The following PRKG1 variants were observed in gnomAD, a reference collection of about 807,000 sequenced individuals.
The protein encoded by PRKG1 is protein kinase cGMP-dependent 1, also known as cGMP-dependent protein kinase 1.
A neutral mutation model predicts 88.1 loss-of-function variants in PRKG1; 35 were observed. The ratio of observed to expected loss-of-function variants is 0.40; its 90% CI spans 0.30 to 0.53. PRKG1 has a LOEUF of 0.53. Among genes scored for constraint, PRKG1 ranks in the 20% least tolerant of loss-of-function variants. The pLI is 0.59. For synonymous variants in PRKG1, 303 were observed against 292.5 expected (o/e 1.04, Z -0.37); for missense variants, 540 against 839.8 (o/e 0.64, Z 4.41).
intron 1 of PRKG1, among the ~76,000 whole-genome samples, chr10:51,021,466 G>T (rs537333942): frequency 9.9e-5 from 15 of 152,212 alleles, no homozygotes; most frequent in African/African-American, 3.4e-4. Flanking sequence ...TATTCAGTGT[G>T]TCTCTCCATC....
intron 1 of PRKG1, among the ~76,000 whole-genome samples, chr10:51,078,469 A>G (rs555480662): frequency 1.4e-5 from 2 of 143,860 alleles, no homozygotes; most frequent in Admixed American, 1.5e-4. Context: ...AACTCAGGTT[A>G]TCAGCCCACC....
intron 2 of PRKG1, among the ~76,000 whole-genome samples, chr10:51,350,658 G>A (rs1842220399): frequency 6.6e-6 from 1 of 152,076 alleles, no homozygotes; most frequent in South Asian, 2.1e-4. Flanking sequence ...CAGATGATAT[G>A]ATCTTATATT....
chr10:51,023,607 T>G (rs1050331617), intron 1 of PRKG1, among the ~76,000 whole-genome samples: 10 of 152,316 alleles, frequency 6.6e-5, no homozygotes, highest in Middle Eastern at 6.8e-3. Flanking sequence ...TCTAGTATAT[T>G]AAATCATGAG....
chr10:51,550,759 C>T lies in PRKG1; in HGVS notation c.592+82923C>T, dbSNP rs1837108765. 2.0e-5 allele frequency among the ~76,000 whole-genome samples: 3 copies of T among 152,002 alleles called. No homozygotes were observed. The South Asian group carries it at 6.2e-4, about 32-fold the overall frequency. ...GGTAGCATAGGAATCTGTGTAAGTA[C>T]TGATAGATATTTGCCACATATATCA... On this transcript the variant is annotated intron_variant, in intron 3 of 17. Coordinates refer to ENST00000373980, the MANE Select transcript of PRKG1 (RefSeq NM_006258.4).
At chr10:51,782,294 G>A (rs1041291635) in intron 3 of PRKG1, among the ~76,000 whole-genome samples, 3 of 152,076 alleles carry the variant, frequency 2.0e-5, no homozygotes, top group African/African-American at 7.2e-5. Flanking sequence ...CTTACCATGG[G>A]TTATCAGGTT....
intron 2 of PRKG1, among the ~76,000 whole-genome samples, chr10:51,232,191 G>T (rs1042093678): frequency 4.6e-5 from 7 of 152,180 alleles, no homozygotes; most frequent in Admixed American, 3.9e-4. Context: ...CAGTATCCAG[G>T]ACTCTAAAAG....
intron 1 of PRKG1, among the ~76,000 whole-genome samples, chr10:51,135,910 T>C (rs1845673658): frequency 6.9e-6 from 1 of 145,432 alleles, no homozygotes; most frequent in Non-Finnish European, 1.5e-5. Flanking sequence ...TCAAGAAATA[T>C]TTAGGAGGTA....
At position 52,130,183 on chromosome 10, in the gene PRKG1, C is replaced by A. The variant is rs537884985; in HGVS notation, c.936-3657C>A. ...TTTCCCCCCAATGTGATGCTTCTTT[C>A]CAGTTTTAATATATGTCACTTTACT... On this transcript the variant is annotated intron_variant, in intron 7 of 17. Coordinates refer to ENST00000373980, the MANE Select transcript of PRKG1 (RefSeq NM_006258.4). Among the ~76,000 whole-genome samples, 10 of 152,244 alleles carry A rather than the reference C, an allele frequency of 6.6e-5. No individual in the cohort carries two copies. In the South Asian group the frequency reaches 1.9e-3, roughly 28 times the overall value.
At chr10:51,331,362 A>T (rs1417334754) in intron 2 of PRKG1, among the ~76,000 whole-genome samples, 5 of 152,032 alleles carry the variant, frequency 3.3e-5, no homozygotes, top group Non-Finnish European at 1.5e-5. Context: ...TGAAACTTGG[A>T]GCTTCGTGGT....
intron 1 of PRKG1, among the ~76,000 whole-genome samples, chr10:51,035,379 G>A (rs947404318): frequency 3.3e-5 from 5 of 152,066 alleles, no homozygotes; most frequent in African/African-American, 7.2e-5. Context: ...TTTTCTCAAC[G>A]TTCTGTCATT....
chr10:51,907,785 G>A, intron 5 of PRKG1: 1 of 421,632 alleles, frequency 2.4e-6, no homozygotes, highest in Non-Finnish European at 4.2e-6. Context: ...ATTATAGAGG[G>A]AGACAAACTT....
intron 9 of PRKG1, among the ~76,000 whole-genome samples, chr10:52,199,030 T>C (rs1454570504): frequency 6.6e-6 from 1 of 152,112 alleles, no homozygotes; most frequent in African/African-American, 2.4e-5. Flanking sequence ...GAATGCTACT[T>C]TGAACACACC....
intron 2 of PRKG1, among the ~76,000 whole-genome samples, chr10:51,426,338 A>G (rs1221250446): frequency 1.3e-5 from 2 of 152,150 alleles, no homozygotes; most frequent in South Asian, 2.1e-4. Context: ...AGTCAGACCT[A>G]TACTGGGTTA....
At chr10:51,447,630 ACCTCTT>A (rs1188914841) in intron 2 of PRKG1, among the ~76,000 whole-genome samples, 3 of 102,142 alleles carry the variant, frequency 2.9e-5, no homozygotes, top group African/African-American at 1.0e-4. Flanking sequence ...ATTTCTCTCC[ACCTCTT>A]CCTCTTCATC....
At chr10:51,894,110 G>C (rs1002611000) in intron 4 of PRKG1, among the ~76,000 whole-genome samples, 2 of 152,120 alleles carry the variant, frequency 1.3e-5, no homozygotes, top group African/African-American at 2.4e-5. Flanking sequence ...AAACCAGAAT[G>C]CAGGCTGAAA....
intron 1 of PRKG1, among the ~76,000 whole-genome samples, chr10:51,063,716 A>G (rs1225948592): frequency 6.6e-6 from 1 of 152,190 alleles, no homozygotes; most frequent in Non-Finnish European, 1.5e-5. Context: ...AAATTTTATA[A>G]TTAGAGCTTA....
chr10:51,581,127 G>A (rs1838023521), intron 3 of PRKG1, among the ~76,000 whole-genome samples: 1 of 152,092 alleles, frequency 6.6e-6, no homozygotes, highest in Admixed American at 6.6e-5. Flanking sequence ...TTGACTATGA[G>A]GTGAGATGGT....
intron 3 of PRKG1, among the ~76,000 whole-genome samples, chr10:51,575,175 T>G (rs1837853888): frequency 6.6e-6 from 1 of 151,960 alleles, no homozygotes; most frequent in Non-Finnish European, 1.5e-5. Context: ...AGAAGTTTAT[T>G]AATGCTTGCT....
intron 2 of PRKG1, among the ~76,000 whole-genome samples, chr10:51,263,655 A>G (rs1471317652): frequency 6.6e-6 from 1 of 152,232 alleles, no homozygotes; most frequent in African/African-American, 2.4e-5. Context: ...GTTACTGTGC[A>G]TGTAACGTAT....
Sources: allele counts gnomAD v4.1 joint callset (sites outside exome capture counted in the v4.1 genomes callset), GRCh38; gene constraint gnomAD v4.1.1; transcripts MANE v1.5; gene names NCBI Gene and HGNC (gene_info 2026-07-23, HGNC 2026-07-21).